The following SMCHD1 variants were observed in gnomAD, a reference collection of about 807,000 sequenced individuals.
SMCHD1 encodes the protein structural maintenance of chromosomes flexible hinge domain-containing protein 1.
In SMCHD1, 78 loss-of-function variants were observed where a neutral mutation model predicts 254.7. That is an observed-to-expected ratio of 0.31 (90% CI 0.26 to 0.37). The LOEUF (loss-of-function observed/expected upper bound fraction) is 0.37. Among genes scored for constraint, SMCHD1 ranks in the 10% least tolerant of loss-of-function variants. The pLI, the probability that SMCHD1 is intolerant of heterozygous loss-of-function variation, is 1.00. For missense variants in SMCHD1, 1,840 were observed against 2,408.1 expected, an observed-to-expected ratio of 0.76 and a Z score of 4.94; for synonymous variants, 766 against 794.9, an observed-to-expected ratio of 0.96 and a Z score of 0.61.
At chr18:2,801,379 A>C (rs1311107157) in intron 47 of SMCHD1, 1 of 152,094 alleles carries the variant, frequency 6.6e-6, no homozygotes, top group African/African-American at 2.4e-5. Flanking sequence ...CGGTATTAGA[A>C]GTTTAGGTGG....
intron 17 of SMCHD1, among the ~76,000 whole-genome samples, chr18:2,713,358 C>CA (rs2143321084): frequency 6.6e-6 from 1 of 152,212 alleles, no homozygotes; most frequent in East Asian, 1.9e-4. Context: ...TTTATAATTG[C>CA]ACCCTTTTTT....
intron 45 of SMCHD1, among the ~76,000 whole-genome samples, chr18:2,787,813 T>C (rs1322271869): frequency 1.3e-5 from 2 of 152,196 alleles, no homozygotes; most frequent in African/African-American, 4.8e-5. Flanking sequence ...GTACTTTTGA[T>C]TGTAAGCAAT....
intron 35 of SMCHD1, 56 bp downstream of exon 35, chr18:2,760,795 C>G: frequency 3.0e-6 from 3 of 987,136 alleles, no homozygotes; most frequent in South Asian, 2.9e-5. Flanking sequence ...TTTTTTTTCC[C>G]TCTTGGTTCT....
At position 2,752,501 on chromosome 18, in the gene SMCHD1, G is replaced by A; in HGVS notation, c.4295G>A (p.Ser1432Asn). The change falls in exon 34 of 48, where the codon AGT becomes AAT. Residue 1432 changes from serine to asparagine, a missense_variant. By Grantham distance (46) the Ser-to-Asn change is conservative (BLOSUM62 1). Transcript: ENST00000320876. Reference sequence around the variant, plus strand: ...TCCCCTTTCTAGGCAGAAACATTTAGTTGTAATAAAATAAAAGATAATGAC... The same window carrying A: ...TCCCCTTTCTAGGCAGAAACATTTAATTGTAATAAAATAAAAGATAATGAC... The part of the protein sequence containing the change: ...NRPPANAETF[S>N]CNKIKDNDKE... The A allele has an allele frequency of 6.2e-7, 1 of 1,601,466 alleles. No homozygotes were observed. The highest frequency in any genetic ancestry group is 8.6e-7 in the Non-Finnish European group (1 of 1,169,484).
intron 37 of SMCHD1, among the ~76,000 whole-genome samples, chr18:2,769,161 T>C (rs1302083763): frequency 6.6e-6 from 1 of 152,192 alleles, no homozygotes; most frequent in Non-Finnish European, 1.5e-5. Flanking sequence ...AAAGGTTTTT[T>C]ATCCATTAAT....
chr18:2,770,869 C>G (rs2075969882), intron 39 of SMCHD1, among the ~76,000 whole-genome samples: 1 of 152,190 alleles, frequency 6.6e-6, no homozygotes, highest in Non-Finnish European at 1.5e-5. Flanking sequence ...GATCTGCCCA[C>G]CTTGGCCCCC....
rs1024960238 is a variant in SMCHD1 at position 2,732,347 on chromosome 18, T to C, written c.3131T>C (p.Val1044Ala). Residue 1044 changes from valine to alanine, a missense_variant, in exon 25 of 48, where the codon GTA (valine) becomes GCA (alanine). Physicochemically the swap from Val to Ala is moderately conservative, Grantham distance 64 (BLOSUM62 0). Transcript: ENST00000320876. ...GTTGCAAGACTACAAATATTCAGTG[T>C]AGAAGGACAAAAGGCAATTCAGATC... ...SHVARLQIFS[V>A]EGQKAIQIKH... 1.2e-6 allele frequency: 2 copies of C among 1,613,842 alleles called. No individual in the cohort carries two copies. The highest frequency in any genetic ancestry group is 2.7e-5 in the African/African-American group (2 of 75,042).
intron 7 of SMCHD1, among the ~76,000 whole-genome samples, chr18:2,689,852 T>TAAAAAAA (rs1167921048): frequency 1.4e-5 from 1 of 72,512 alleles, no homozygotes; most frequent in African/African-American, 5.9e-5. Flanking sequence ...TTGTCTCTAC[T>TAAAAAAA]AAAAAAAAAA....
At chr18:2,659,818 G>C (rs967103467) in intron 1 of SMCHD1, among the ~76,000 whole-genome samples, 4 of 150,612 alleles carry the variant, frequency 2.7e-5, no homozygotes, top group Non-Finnish European at 5.9e-5. Flanking sequence ...CCATAGTAAG[G>C]TAACGAAATA....
In SMCHD1 at chr18:2,775,842, C is replaced by T. The variant is rs202006154; in HGVS notation, c.5284C>T (p.Arg1762Cys). ...VVTLTTDAAR[R>C]IYDETQGRQQ... ...CACCCTAACCACTGACGCTGCACGT[C>T]GTATCTATGATGAAACCCAAGGTCG... Residue 1762 changes from arginine to cysteine, a missense_variant, in exon 42 of 48, where the codon CGT becomes TGT. Transcript: ENST00000320876. 5.0e-6 allele frequency: 8 copies of T among 1,612,308 alleles called. No individual in the cohort carries two copies. The highest frequency in any genetic ancestry group is 6.8e-6 in the Non-Finnish European group (8 of 1,179,472).
rs1217128375 is a variant in SMCHD1 at position 2,802,570 on chromosome 18, AGGCCATT to A, written c.*21_*27del. ...ATGTATGAGAGGTGACAGAGAGAAG[AGGCCATT>A]GGTCTCAGTAAGAATGCCCTGCTTT... On this transcript the variant is annotated 3_prime_UTR_variant, in exon 48 of 48. Coordinates refer to ENST00000320876, the MANE Select transcript of SMCHD1 (RefSeq NM_015295.3). The A allele has an allele frequency of 7.1e-6, 11 of 1,550,534 alleles. No homozygotes were observed. In the South Asian group the frequency reaches 1.3e-4, roughly 19 times the overall value.
intron 37 of SMCHD1, chr18:2,763,994 G>A: frequency 2.2e-6 from 1 of 462,324 alleles, no homozygotes; most frequent in Non-Finnish European, 3.7e-6. Context: ...TTTCCTATGG[G>A]ATAACAGCTT....
chr18:2,729,884 T>C (rs867547662), intron 24 of SMCHD1, among the ~76,000 whole-genome samples: 2 of 152,016 alleles, frequency 1.3e-5, no homozygotes, highest in African/African-American at 2.4e-5. Flanking sequence ...ATTTATTTAT[T>C]ATTTATTTTT....
In SMCHD1 at chr18:2,743,898, TCTC is replaced by T. The variant is rs766432458; in HGVS notation, c.3774_3776del (p.Leu1259del). ...TAATTTCTGGACCTCCTGCTAAACT[TCTC>T]CTTATAGACTGGCCAGAACTAAAGG... On this transcript the variant is annotated inframe_deletion, in exon 29 of 48. Transcript: ENST00000320876. 1.9e-6 allele frequency: 3 copies of T among 1,612,962 alleles called. No homozygotes were observed. Among genetic ancestry groups the T allele is most frequent in the East Asian group, 2.2e-5 (1 of 44,796 alleles).
intron 17 of SMCHD1, among the ~76,000 whole-genome samples, chr18:2,712,743 T>C (rs1257242964): frequency 1.3e-5 from 2 of 152,230 alleles, no homozygotes; most frequent in Non-Finnish European, 2.9e-5. Flanking sequence ...TCTTTCACTC[T>C]TGCACTGCTC....
rs775430963 is a variant in SMCHD1 at position 2,796,139 on chromosome 18, TC to T, written c.5878+33del. The stretch of plus-strand genomic sequence containing the variant: ...CTTTGCTTTTTGTTAACTTCTACTT[TC>T]TTTATATGGAGATAAATATTTATGA... On this transcript the variant is annotated intron_variant, in intron 46 of 47. Coordinates refer to ENST00000320876, the MANE Select transcript of SMCHD1 (RefSeq NM_015295.3). 9 of 1,449,294 alleles carry T rather than the reference TC, an allele frequency of 6.2e-6. No individual in the cohort carries two copies. The African/African-American group carries it at 1.3e-4, about 21-fold the overall frequency. 89.8% of individuals were successfully genotyped at this position (1,449,294 alleles called of 1,614,324 possible). A position where few individuals can be genotyped will look rare whatever the true frequency, so the allele number is the denominator to read the frequency against.
chr18:2,740,446 A>T (rs1011199768), intron 27 of SMCHD1, among the ~76,000 whole-genome samples: 1 of 152,170 alleles, frequency 6.6e-6, no homozygotes, highest in South Asian at 2.1e-4. Flanking sequence ...TTAAAATATT[A>T]TCTTCAAATT....
chr18:2,759,976 C>T (rs1341527051), intron 34 of SMCHD1, among the ~76,000 whole-genome samples: 5 of 152,082 alleles, frequency 3.3e-5, no homozygotes, highest in Admixed American at 2.6e-4. Context: ...GTTACAGTGT[C>T]GGGATTTGAA....
At chr18:2,728,115 T>C (rs2075061336) in intron 22 of SMCHD1, among the ~76,000 whole-genome samples, 1 of 152,074 alleles carries the variant, frequency 6.6e-6, no homozygotes, top group Non-Finnish European at 1.5e-5. Flanking sequence ...GATTGGTAAA[T>C]AGTTTTAATA....
Sources: gnomAD v4.1 joint callset for allele counts (sites outside exome capture counted in the v4.1 genomes callset) on GRCh38, gnomAD v4.1.1 for gene constraint, MANE v1.5 for transcripts, NCBI Gene and HGNC (gene_info 2026-07-23, HGNC 2026-07-21) for gene names.